Variants in SCML4 observed in about 807,000 individuals in gnomAD.
SCML4 encodes Scm polycomb group protein like 4, also known as sex comb on midleg-like protein 4.
SCML4 carries 34 observed loss-of-function variants against 41.1 expected under a neutral mutation model. That is an observed-to-expected ratio of 0.83 (90% CI 0.63 to 1.10). SCML4 has a LOEUF of 1.10. Among genes scored for constraint, SCML4 ranks in the 50% least tolerant of loss-of-function variants. The pLI, the probability that SCML4 is intolerant of heterozygous loss-of-function variation, is 0.00. For missense variants in SCML4, 522 were observed against 534.1 expected (o/e 0.98, Z 0.22); for synonymous variants, 214 against 220.9 (o/e 0.97, Z 0.28).
At chr6:107,812,100 G>A (rs9480802) in intron 1 of SCML4, among the ~76,000 whole-genome samples, 4,120 of 152,298 alleles carry the variant, frequency 0.027, 184 homozygotes, top group African/African-American at 0.095. Flanking sequence ...CCGAGGCACT[G>A]ACAATAAACA....
In SCML4 at chr6:107,770,924, T is replaced by C. The variant is rs186214144; in HGVS notation, c.156+1248A>G. Among the ~76,000 whole-genome samples, 9 of 152,328 alleles carry C rather than the reference T, an allele frequency of 5.9e-5. No individual in the cohort carries two copies. The East Asian group carries it at 1.7e-3, about 29-fold the overall frequency. The stretch of plus-strand genomic sequence containing the variant: ...CCCTGCTCCAGCCCTCCAGATGCAA[T>C]TCCCAGAAGCCAACAACTGCACAGT... On this transcript the variant is annotated intron_variant, in intron 2 of 7. Coordinates refer to ENST00000369020, the MANE Select transcript of SCML4 (RefSeq NM_198081.5).
At chr6:107,772,477 G>A (rs1780602717) in intron 1 of SCML4, 91 bp from the exon 2 acceptor site, 6 of 676,644 alleles carry the variant, frequency 8.9e-6, no homozygotes, top group East Asian at 5.7e-5. Context: ...TGATTTTGGC[G>A]ATACCTACCA....
chr6:107,771,276 A>G (rs1780496481), intron 2 of SCML4, among the ~76,000 whole-genome samples: 1 of 152,228 alleles, frequency 6.6e-6, no homozygotes, highest in Non-Finnish European at 1.5e-5. Context: ...TCCTAAATAT[A>G]TGGGAGTTAA....
chr6:107,769,461 CAT>C lies in SCML4; in HGVS notation c.156+2709_156+2710del, dbSNP rs551271692. ...GGTCTTGGACCAGAGAGAGTTCCCACATATGCACAGAGGTGATTGACAGAGCA... is the reference window on the plus strand; with the variant it reads ...GGTCTTGGACCAGAGAGAGTTCCCACATGCACAGAGGTGATTGACAGAGCA... On this transcript the variant is annotated intron_variant, in intron 2 of 7. Transcript: ENST00000369020. Among the ~76,000 whole-genome samples the C allele has an allele frequency of 2.4e-3, 370 of 152,326 alleles. 1 individual carries two copies. The highest frequency in any genetic ancestry group is 8.4e-3 in the African/African-American group (348 of 41,566).
At chr6:107,767,859 A>C (rs1780188771) in intron 2 of SCML4, among the ~76,000 whole-genome samples, 1 of 152,174 alleles carries the variant, frequency 6.6e-6, no homozygotes, top group South Asian at 2.1e-4. Flanking sequence ...TCAAGGAGAC[A>C]GGCGTGCCCT....
chr6:107,826,717 C>G (rs917666393), upstream of SCML4, among the ~76,000 whole-genome samples: 1 of 152,114 alleles, frequency 6.6e-6, no homozygotes, highest in African/African-American at 2.4e-5. Context: ...TGGGAAGCAC[C>G]CATTGTCATC....
At chr6:107,735,527 A>G (rs1479385678) in intron 5 of SCML4, among the ~76,000 whole-genome samples, 3 of 151,832 alleles carry the variant, frequency 2.0e-5, no homozygotes, top group Non-Finnish European at 2.9e-5. Flanking sequence ...GGCCCGACAC[A>G]GTGGCTCACT....
chr6:107,789,938 T>A (rs1167688623), intron 1 of SCML4, among the ~76,000 whole-genome samples: 1 of 152,210 alleles, frequency 6.6e-6, no homozygotes, highest in East Asian at 1.9e-4. Flanking sequence ...ACTACAAGAC[T>A]TTAAGGCAAA....
At chr6:107,818,779 C>T (rs1228462046) in intron 1 of SCML4, among the ~76,000 whole-genome samples, 1 of 152,196 alleles carries the variant, frequency 6.6e-6, no homozygotes, top group Admixed American at 6.5e-5. Flanking sequence ...GACTGCTTGT[C>T]AAAACAGGAT....
At chr6:107,771,851 G>C (rs1780544366) in intron 2 of SCML4, among the ~76,000 whole-genome samples, 1 of 152,196 alleles carries the variant, frequency 6.6e-6, no homozygotes, top group Non-Finnish European at 1.5e-5. Context: ...TCAGGGGAAA[G>C]CTCAGTGTCT....
At chr6:107,832,394 G>A in the SCML4 span, among the ~76,000 whole-genome samples, 1 of 152,178 alleles carries the variant, frequency 6.6e-6, no homozygotes, top group African/African-American at 2.4e-5. Flanking sequence ...GTTGCCAGCT[G>A]CTTCCAGGCC....
intron 2 of SCML4, among the ~76,000 whole-genome samples, chr6:107,764,028 T>C (rs920970488): frequency 3.3e-5 from 5 of 152,210 alleles, no homozygotes; most frequent in African/African-American, 1.2e-4. Context: ...CAAAACTCCC[T>C]TGGGGTTCTG....
At chr6:107,713,065 G>C (rs184100112) in intron 6 of SCML4, among the ~76,000 whole-genome samples, 2 of 152,338 alleles carry the variant, frequency 1.3e-5, no homozygotes, top group African/African-American at 4.8e-5. Context: ...TTCTAAAGCT[G>C]AACTCACATT....
At chr6:107,807,657 A>G (rs985046568) in intron 1 of SCML4, among the ~76,000 whole-genome samples, 9 of 152,352 alleles carry the variant, frequency 5.9e-5, no homozygotes, top group Admixed American at 4.6e-4. Flanking sequence ...AATTCCCTGT[A>G]GGACACTGGT....
chr6:107,744,764 G>A (rs1777908930), intron 5 of SCML4, among the ~76,000 whole-genome samples, 185 bp downstream of exon 5: 1 of 152,208 alleles, frequency 6.6e-6, no homozygotes, highest in African/African-American at 2.4e-5. Context: ...CTGGGGTGGG[G>A]ACTGTCCAGG....
At chr6:107,814,823 G>GAT (rs1218049926) in intron 1 of SCML4, among the ~76,000 whole-genome samples, 2 of 152,146 alleles carry the variant, frequency 1.3e-5, no homozygotes, top group South Asian at 2.1e-4. Flanking sequence ...AAAGTGCTGG[G>GAT]ATTACGAGCG....
At chr6:107,820,405 T>C (rs1024411591) in intron 1 of SCML4, among the ~76,000 whole-genome samples, 24 of 152,152 alleles carry the variant, frequency 1.6e-4, no homozygotes, top group African/African-American at 5.8e-4. Context: ...TGCGTGTGCG[T>C]ATGCATGTCT....
intron 2 of SCML4, among the ~76,000 whole-genome samples, chr6:107,763,232 T>G (rs1345124841): frequency 6.6e-6 from 1 of 152,088 alleles, no homozygotes; most frequent in Admixed American, 6.6e-5. Flanking sequence ...TCCTTTCTGT[T>G]ATGGACTGAA....
chr6:107,797,818 G>GT (rs1486566700), intron 1 of SCML4, among the ~76,000 whole-genome samples: 1 of 151,648 alleles, frequency 6.6e-6, no homozygotes, highest in Non-Finnish European at 1.5e-5. Context: ...ATCCTAAGAG[G>GT]TTTTTTTAAT....
Sources: allele counts gnomAD v4.1 joint callset (sites outside exome capture counted in the v4.1 genomes callset), GRCh38; gene constraint gnomAD v4.1.1; transcripts MANE v1.5; gene names NCBI Gene and HGNC (gene_info 2026-07-23, HGNC 2026-07-21).